Variants in CCSER1 observed in about 807,000 individuals in gnomAD.
The protein encoded by CCSER1 is coiled-coil serine rich protein 1, also known as serine-rich coiled-coil domain-containing protein 1.
A neutral mutation model predicts 82.0 loss-of-function variants in CCSER1; 41 were observed. The ratio of observed to expected loss-of-function variants is 0.50; its 90% CI spans 0.39 to 0.65. The LOEUF (loss-of-function observed/expected upper bound fraction) is 0.65. Ranked by LOEUF, CCSER1 falls within the 30% of genes least tolerant of loss-of-function variation. The pLI is 0.00. For missense variants in CCSER1, 1,119 were observed against 1,064.2 expected (o/e 1.05, Z -0.72); for synonymous variants, 414 against 383.9 (o/e 1.08, Z -0.92).
chr4:91,374,724 G>GA (rs1750280568), intron 10 of CCSER1, among the ~76,000 whole-genome samples: 1 of 152,212 alleles, frequency 6.6e-6, no homozygotes, highest in Admixed American at 6.5e-5. Flanking sequence ...GGCCGGGCGT[G>GA]ATGGCTCACG....
chr4:91,539,511 C>G (rs1761478970), intron 10 of CCSER1, among the ~76,000 whole-genome samples: 1 of 152,014 alleles, frequency 6.6e-6, no homozygotes, highest in African/African-American at 2.4e-5. Context: ...AAATTTATCT[C>G]AAACATCCTA....
chr4:91,455,759 G>A (rs1756131746), intron 10 of CCSER1, among the ~76,000 whole-genome samples: 1 of 152,098 alleles, frequency 6.6e-6, no homozygotes, highest in Non-Finnish European at 1.5e-5. Flanking sequence ...ATATTTGGAA[G>A]CAATTGGATT....
rs181903614 is a variant in CCSER1, at chr4:91,089,574, A to G, written c.2217+3580A>G. On this transcript the variant is annotated intron_variant, in intron 10 of 10. Coordinates refer to ENST00000509176, the MANE Select transcript of CCSER1 (RefSeq NM_001145065.2). Reference sequence around the variant, plus strand: ...CTACTTATGTCTTCCCGTGCAATAGATTGATAGTGATTCATATAATATACT... The same window carrying G: ...CTACTTATGTCTTCCCGTGCAATAGGTTGATAGTGATTCATATAATATACT... Among the ~76,000 whole-genome samples the G allele has an allele frequency of 5.9e-4, 90 of 152,274 alleles. 2 individuals are homozygous for G. The East Asian group carries it at 0.014, about 23-fold the overall frequency.
At chr4:90,621,763 GT>G (rs1272592592) in intron 5 of CCSER1, among the ~76,000 whole-genome samples, 1 of 152,178 alleles carries the variant, frequency 6.6e-6, no homozygotes, top group Non-Finnish European at 1.5e-5. Flanking sequence ...CCAGCAGGTA[GT>G]TAATTTACTA....
At chr4:90,507,138 A>C (rs1322594040) in intron 5 of CCSER1, among the ~76,000 whole-genome samples, 1 of 152,222 alleles carries the variant, frequency 6.6e-6, no homozygotes, top group East Asian at 1.9e-4. Context: ...GAAAGAACAC[A>C]CTAGTTTTGT....
At chr4:90,134,307 G>A (rs1723293140) in intron 1 of CCSER1, among the ~76,000 whole-genome samples, 1 of 152,110 alleles carries the variant, frequency 6.6e-6, no homozygotes, top group East Asian at 1.9e-4. Flanking sequence ...TTAACCAAGG[G>A]CCCAGCAGCA....
chr4:91,036,710 G>GTA (rs1741461562), intron 9 of CCSER1, among the ~76,000 whole-genome samples: 1 of 152,106 alleles, frequency 6.6e-6, no homozygotes, highest in Admixed American at 6.6e-5. Flanking sequence ...ACAGAAAAAT[G>GTA]TCTTAGAATG....
At chr4:91,424,312 C>T (rs957172266) in intron 10 of CCSER1, among the ~76,000 whole-genome samples, 3 of 151,960 alleles carry the variant, frequency 2.0e-5, no homozygotes, top group Admixed American at 6.5e-5. Flanking sequence ...CCACCGCGCC[C>T]GGCCAAGAAC....
At chr4:90,493,273 C>G (rs533850651) in intron 5 of CCSER1, among the ~76,000 whole-genome samples, 1 of 152,042 alleles carries the variant, frequency 6.6e-6, no homozygotes, top group Admixed American at 6.6e-5. Flanking sequence ...GTGAAAAGAC[C>G]AAATCTACAT....
intron 1 of CCSER1, among the ~76,000 whole-genome samples, chr4:90,230,706 A>G (rs1456864131): frequency 2.0e-5 from 3 of 150,664 alleles, no homozygotes; most frequent in African/African-American, 7.3e-5. Context: ...AAGGATCAAC[A>G]AAATTGATAG....
At chr4:90,898,236 G>T (rs1331067805) in intron 8 of CCSER1, among the ~76,000 whole-genome samples, 1 of 97,430 alleles carries the variant, frequency 1.0e-5, no homozygotes, top group Non-Finnish European at 2.2e-5. Context: ...GATTCTTATA[G>T]TTTGAGGCCT....
intron 1 of CCSER1, among the ~76,000 whole-genome samples, chr4:90,158,583 C>T (rs926923410): frequency 3.9e-5 from 6 of 152,184 alleles, no homozygotes; most frequent in Admixed American, 6.5e-5. Flanking sequence ...TGGGCAATGG[C>T]GGGCTCCCCT....
intron 3 of CCSER1, among the ~76,000 whole-genome samples, chr4:90,355,475 T>C (rs1369332255): frequency 6.6e-6 from 1 of 152,070 alleles, no homozygotes; most frequent in African/African-American, 2.4e-5. Context: ...TGTTAAAATC[T>C]GTCTGTAAGC....
rs574754350 is a variant in CCSER1, at chr4:91,069,074, T to A, written c.2173-16876T>A. ...CTGTAACCCCAGCTACTAGGGAGGC[T>A]GAGGCAGAAGAATCGCTTGAAACTA... On this transcript the variant is annotated intron_variant, in intron 9 of 10. Transcript: ENST00000509176. Among the ~76,000 whole-genome samples, 7 of 152,116 alleles carry A rather than the reference T, an allele frequency of 4.6e-5. No individual in the cohort carries two copies. The East Asian group carries it at 9.7e-4, about 21-fold the overall frequency.
At chr4:91,250,626 A>G (rs2149145470) in intron 10 of CCSER1, among the ~76,000 whole-genome samples, 1 of 151,524 alleles carries the variant, frequency 6.6e-6, no homozygotes, top group East Asian at 1.9e-4. Context: ...CTTTCAATAG[A>G]TGGCAAACTA....
intron 5 of CCSER1, among the ~76,000 whole-genome samples, chr4:90,570,164 G>A (rs1193016481): frequency 1.3e-5 from 2 of 152,134 alleles, no homozygotes; most frequent in Non-Finnish European, 2.9e-5. Context: ...ATGGGAGCTG[G>A]GCATCCCTCC....
chr4:90,858,938 T>C (rs2149974257), intron 8 of CCSER1, among the ~76,000 whole-genome samples: 1 of 152,024 alleles, frequency 6.6e-6, no homozygotes, highest in East Asian at 1.9e-4. Context: ...TACATATGGC[T>C]CTTGAAAAAT....
At chr4:91,549,031 ATTC>A (rs934954936) in intron 10 of CCSER1, among the ~76,000 whole-genome samples, 21 of 151,804 alleles carry the variant, frequency 1.4e-4, no homozygotes, top group African/African-American at 4.8e-4. Flanking sequence ...GTTCTTGGAC[ATTC>A]TTTTCTGTTT....
chr4:90,291,989 A>G (rs1431843543), intron 1 of CCSER1, among the ~76,000 whole-genome samples: 1 of 151,942 alleles, frequency 6.6e-6, no homozygotes, highest in East Asian at 1.9e-4. Flanking sequence ...TGAATTACAA[A>G]CCAAAACATT....
Sources: gnomAD v4.1 joint callset for allele counts (sites outside exome capture counted in the v4.1 genomes callset) on GRCh38, gnomAD v4.1.1 for gene constraint, MANE v1.5 for transcripts, NCBI Gene and HGNC (gene_info 2026-07-23, HGNC 2026-07-21) for gene names.